NRCAM: variants seen among roughly 807,000 people sequenced by gnomAD.
NRCAM encodes the protein NgCAM-related cell adhesion molecule.
NRCAM carries 83 observed loss-of-function variants against 156.5 expected under a neutral mutation model. That is an observed-to-expected ratio of 0.53 (90% CI 0.44 to 0.64). NRCAM has a LOEUF of 0.64. NRCAM is among the 30% of genes least tolerant of loss of function. The pLI, the probability that NRCAM is intolerant of heterozygous loss-of-function variation, is 0.00. For synonymous variants in NRCAM, 538 were observed against 563.9 expected, an observed-to-expected ratio of 0.95 and a Z score of 0.65; for missense variants, 1,417 against 1,597.3, an observed-to-expected ratio of 0.89 and a Z score of 1.92.
intron 18 of NRCAM, 75 bp downstream of exon 18, chr7:108,191,654 A>G (rs1266420998): frequency 2.1e-6 from 3 of 1,461,762 alleles, no homozygotes; most frequent in South Asian, 2.8e-5. Flanking sequence ...TTTGATATTT[A>G]TAATTTTTAT....
At chr7:108,219,374 A>C (rs1212656919) in intron 11 of NRCAM, among the ~76,000 whole-genome samples, 1 of 152,178 alleles carries the variant, frequency 6.6e-6, no homozygotes, top group Non-Finnish European at 1.5e-5. Context: ...CCCTAATACC[A>C]AAACCAGGAA....
At chr7:108,201,852 T>C (rs1340079050) in intron 13 of NRCAM, among the ~76,000 whole-genome samples, 1 of 152,162 alleles carries the variant, frequency 6.6e-6, no homozygotes, top group Non-Finnish European at 1.5e-5. Context: ...AGGAACAAAA[T>C]AAACCCTTTA....
intron 17 of NRCAM, among the ~76,000 whole-genome samples, chr7:108,192,286 C>A (rs944153628): frequency 6.6e-6 from 1 of 152,002 alleles, no homozygotes; most frequent in African/African-American, 2.4e-5. Context: ...GGAAGGTGAA[C>A]CCTATTGTGA....
At chr7:108,193,803 G>C (rs549238524) in intron 17 of NRCAM, among the ~76,000 whole-genome samples, 2 of 152,116 alleles carry the variant, frequency 1.3e-5, no homozygotes, top group African/African-American at 4.8e-5. Flanking sequence ...AGACCAGCAC[G>C]CAAAGATAGA....
intron 11 of NRCAM, among the ~76,000 whole-genome samples, chr7:108,223,362 G>C (rs1386769005): frequency 6.6e-6 from 1 of 152,112 alleles, no homozygotes; most frequent in Non-Finnish European, 1.5e-5. Flanking sequence ...GAGGTGGCTG[G>C]TTACAAACTA....
chr7:108,264,997 T>A (rs2097038730), intron 3 of NRCAM, among the ~76,000 whole-genome samples: 1 of 152,192 alleles, frequency 6.6e-6, no homozygotes, highest in Admixed American at 6.5e-5. Context: ...GACATCTGGA[T>A]GTGAAGCCCC....
intron 5 of NRCAM, among the ~76,000 whole-genome samples, chr7:108,236,215 T>C (rs975920142): frequency 5.9e-5 from 9 of 152,186 alleles, no homozygotes; most frequent in African/African-American, 1.7e-4. Context: ...ATAAACCCGG[T>C]TGCGTCCTCT....
intron 11 of NRCAM, among the ~76,000 whole-genome samples, chr7:108,217,392 G>A (rs551842708): frequency 6.5e-4 from 99 of 152,344 alleles, no homozygotes; most frequent in African/African-American, 2.0e-3. Context: ...CAGGAGGCAC[G>A]GGGGTCAGGG....
At chr7:108,178,223 A>C in intron 25 of NRCAM, 111 bp from the exon 26 acceptor site, 1 of 1,076,242 alleles carries the variant, frequency 9.3e-7, no homozygotes, top group Non-Finnish European at 1.3e-6. Context: ...TCAGTAACTC[A>C]TTCCTGATTC....
intron 2 of NRCAM, among the ~76,000 whole-genome samples, chr7:108,344,277 C>T (rs963924561): frequency 1.3e-5 from 2 of 152,100 alleles, no homozygotes; most frequent in Non-Finnish European, 2.9e-5. Flanking sequence ...ACCTCACACC[C>T]GACCAATCAG....
intron 1 of NRCAM, among the ~76,000 whole-genome samples, chr7:108,408,275 A>G (rs961584579): frequency 6.6e-6 from 1 of 152,204 alleles, no homozygotes; most frequent in East Asian, 1.9e-4. Context: ...AGAGCCCAAC[A>G]TTCTCTTAAA....
intron 28 of NRCAM, among the ~76,000 whole-genome samples, chr7:108,172,902 C>A (rs572135877): frequency 6.6e-6 from 1 of 151,756 alleles, no homozygotes; most frequent in East Asian, 1.9e-4. Context: ...AGATGCATTT[C>A]TTTTCCCCTC....
intron 28 of NRCAM, among the ~76,000 whole-genome samples, chr7:108,170,440 C>A (rs2057763805): frequency 6.6e-6 from 1 of 152,172 alleles, no homozygotes; most frequent in Non-Finnish European, 1.5e-5. Flanking sequence ...CAAAGTCATC[C>A]CTCTGCTCAC....
chr7:108,152,461 G>A (rs2042244488), intron 32 of NRCAM, among the ~76,000 whole-genome samples: 1 of 152,044 alleles, frequency 6.6e-6, no homozygotes, highest in Non-Finnish European at 1.5e-5. Flanking sequence ...AGTAAGGGGA[G>A]TGGCACGGCT....
At chr7:108,198,988 C>T (rs369800) in intron 13 of NRCAM, among the ~76,000 whole-genome samples, 119,245 of 152,174 alleles carry the variant, frequency 0.78, 46,833 homozygotes, top group East Asian at 0.87. Context: ...TTTCTGTGAA[C>T]GATACACTTT....
chr7:108,379,079 A>C (rs1183266774), intron 2 of NRCAM, among the ~76,000 whole-genome samples: 1 of 152,160 alleles, frequency 6.6e-6, no homozygotes, highest in African/African-American at 2.4e-5. Flanking sequence ...TCAGGATTTC[A>C]AAATACTAAG....
intron 2 of NRCAM, among the ~76,000 whole-genome samples, chr7:108,364,615 C>A (rs1422317180): frequency 1.3e-5 from 2 of 151,936 alleles, no homozygotes; most frequent in African/African-American, 4.8e-5. Context: ...AAATATCCAT[C>A]TACTGATTAA....
intron 2 of NRCAM, among the ~76,000 whole-genome samples, chr7:108,341,716 C>T (rs1275299830): frequency 1.3e-5 from 2 of 152,068 alleles, no homozygotes; most frequent in South Asian, 2.1e-4. Context: ...AAAGGCAGTA[C>T]CCCCTTAGAC....
At chr7:108,360,436 G>A (rs1040755144) in intron 2 of NRCAM, among the ~76,000 whole-genome samples, 2 of 152,140 alleles carry the variant, frequency 1.3e-5, no homozygotes, top group Non-Finnish European at 2.9e-5. Flanking sequence ...GTTGCAGGGT[G>A]GGGGATATAA....
Sources: gnomAD v4.1 joint callset for allele counts (sites outside exome capture counted in the v4.1 genomes callset) on GRCh38, gnomAD v4.1.1 for gene constraint, MANE v1.5 for transcripts, NCBI Gene and HGNC (gene_info 2026-07-23, HGNC 2026-07-21) for gene names.